The following RYR2 variants were observed in gnomAD, a reference collection of about 807,000 sequenced individuals.
RYR2 encodes the protein ryanodine receptor 2, also known as cardiac muscle ryanodine receptor-calcium release channel.
RYR2 carries 227 observed loss-of-function variants against 601.1 expected under a neutral mutation model. The observed-to-expected ratio is 0.38, with a 90% CI of 0.34 to 0.42. The LOEUF (loss-of-function observed/expected upper bound fraction) is 0.42, where lower values mean the gene tolerates loss of function less well. Among genes scored for constraint, RYR2 ranks in the 10% least tolerant of loss-of-function variants. The pLI is 1.00. For missense variants in RYR2, 4,646 were observed against 6,156.5 expected, an observed-to-expected ratio of 0.75 and a Z score of 8.21; for synonymous variants, 2,223 against 2,175.1, an observed-to-expected ratio of 1.02 and a Z score of -0.61.
At chr1:237,267,625 A>G (rs757004160) in intron 1 of RYR2, 4 of 325,392 alleles carry the variant, frequency 1.2e-5, no homozygotes, top group African/African-American at 6.7e-5. Context: ...TCATCTAACA[A>G]GCTCTCAAGT....
At chr1:237,697,049 T>C (rs926644054) in intron 63 of RYR2, among the ~76,000 whole-genome samples, 2 of 152,130 alleles carry the variant, frequency 1.3e-5, no homozygotes, top group African/African-American at 4.8e-5. Flanking sequence ...AACCAAGCTC[T>C]AGAACCTGAC....
chr1:237,599,804 A>C (rs1262724506), intron 34 of RYR2, among the ~76,000 whole-genome samples: 1 of 77,576 alleles, frequency 1.3e-5, no homozygotes, highest in East Asian at 5.7e-4. Flanking sequence ...GTGAGACTCC[A>C]TCTCAAAAAA....
At chr1:237,068,494 A>T (rs1191497243) in intron 1 of RYR2, among the ~76,000 whole-genome samples, 1 of 152,162 alleles carries the variant, frequency 6.6e-6, no homozygotes, top group Non-Finnish European at 1.5e-5. Context: ...CCATTTGTGT[A>T]AATACATTCT....
At chr1:237,221,082 T>TGAGACC (rs1202223963) in intron 1 of RYR2, among the ~76,000 whole-genome samples, 10 of 151,730 alleles carry the variant, frequency 6.6e-5, no homozygotes, top group Non-Finnish European at 1.2e-4. Flanking sequence ...GGTGACAGAG[T>TGAGACC]GAGATTCTGT....
chr1:237,722,854 A>G (rs956898119), intron 73 of RYR2, among the ~76,000 whole-genome samples: 1 of 151,844 alleles, frequency 6.6e-6, no homozygotes, highest in African/African-American at 2.4e-5. Context: ...CTCCTCGCAT[A>G]GTTACCTTTT....
At chr1:237,488,566 C>T (rs192639983) in intron 17 of RYR2, among the ~76,000 whole-genome samples, 7 of 152,216 alleles carry the variant, frequency 4.6e-5, no homozygotes, top group Admixed American at 2.6e-4. Flanking sequence ...GTGACCTGCA[C>T]GTGTACATCC....
Position 237,530,526 on chromosome 1 carries a change from A to G in RYR2, c.2906+16A>G. Reference sequence around the variant, plus strand: ...TACCCAAGAAGTAAGTTGAATGACTAAGCAATATTAAATAATCTGTGTAGA... The same window carrying G: ...TACCCAAGAAGTAAGTTGAATGACTGAGCAATATTAAATAATCTGTGTAGA... On this transcript the variant is annotated intron_variant, in intron 25 of 104. Coordinates refer to ENST00000366574, the MANE Select transcript of RYR2 (RefSeq NM_001035.3). The G allele has an allele frequency of 6.5e-7, 1 of 1,541,402 alleles. No homozygotes were observed. The highest frequency in any genetic ancestry group is 8.9e-7 in the Non-Finnish European group (1 of 1,125,596).
intron 31 of RYR2, among the ~76,000 whole-genome samples, chr1:237,591,358 C>T (rs1292261343): frequency 1.3e-5 from 2 of 152,078 alleles, no homozygotes; most frequent in African/African-American, 4.8e-5. Flanking sequence ...ACATTCTTGC[C>T]TGAAACTTGC....
intron 12 of RYR2, among the ~76,000 whole-genome samples, chr1:237,432,202 G>T (rs1706884654): frequency 1.6e-5 from 1 of 63,100 alleles, no homozygotes. Context: ...ATGACTTTAG[G>T]CTTTTTTTAA....
chr1:237,530,939 T>A (rs1005097319), intron 25 of RYR2, among the ~76,000 whole-genome samples: 1 of 151,998 alleles, frequency 6.6e-6, no homozygotes, highest in Non-Finnish European at 1.5e-5. Context: ...TTCAAAAATT[T>A]AAACTAACTG....
At chr1:237,089,920 C>T (rs761985105) in intron 1 of RYR2, among the ~76,000 whole-genome samples, 11 of 152,130 alleles carry the variant, frequency 7.2e-5, no homozygotes, top group Non-Finnish European at 1.6e-4. Context: ...TGAAGAAATA[C>T]CCGAGACTGA....
chr1:237,726,335 G>C, intron 75 of RYR2, 27 bp downstream of exon 75: 2 of 1,462,308 alleles, frequency 1.4e-6, no homozygotes, highest in Non-Finnish European at 1.9e-6. Context: ...ATGGCCTAGA[G>C]ATTACTAATT....
At chr1:237,280,652 T>C (rs988378813) in intron 2 of RYR2, among the ~76,000 whole-genome samples, 1 of 152,136 alleles carries the variant, frequency 6.6e-6, no homozygotes, top group African/African-American at 2.4e-5. Context: ...TTGAACAGAG[T>C]TCCGATAGAA....
chr1:237,155,700 C>T (rs568955841), intron 1 of RYR2, among the ~76,000 whole-genome samples: 2 of 152,054 alleles, frequency 1.3e-5, no homozygotes, highest in Non-Finnish European at 2.9e-5. Flanking sequence ...ATCCTTTGAT[C>T]ATTAAATATG....
chr1:237,269,217 AT>A (rs1298997326), intron 1 of RYR2, among the ~76,000 whole-genome samples: 1 of 151,174 alleles, frequency 6.6e-6, no homozygotes. Context: ...TAATTTTTGT[AT>A]TTTTGGTAGA....
chr1:237,283,262 A>G (rs1294610704), intron 2 of RYR2, among the ~76,000 whole-genome samples: 2 of 151,860 alleles, frequency 1.3e-5, no homozygotes, highest in Non-Finnish European at 2.9e-5. Context: ...TTGCCTGTCT[A>G]CCTGGTTGCT....
chr1:237,368,226 T>C (rs1029020336), intron 5 of RYR2, among the ~76,000 whole-genome samples: 2 of 152,240 alleles, frequency 1.3e-5, no homozygotes, highest in African/African-American at 4.8e-5. Flanking sequence ...CATTCCATTC[T>C]TATAAAAACT....
chr1:237,662,983 G>A (rs1364513293), intron 56 of RYR2, among the ~76,000 whole-genome samples: 1 of 152,112 alleles, frequency 6.6e-6, no homozygotes, highest in East Asian at 1.9e-4. Flanking sequence ...TTCTGTGGAG[G>A]GCATTTGTTG....
intron 42 of RYR2, among the ~76,000 whole-genome samples, chr1:237,631,855 C>T (rs1259976339): frequency 8.8e-6 from 1 of 113,866 alleles, no homozygotes; most frequent in Non-Finnish European, 1.8e-5. Context: ...GTCTCGATCT[C>T]CTGACCTCGT....
Sources: allele counts gnomAD v4.1 joint callset (sites outside exome capture counted in the v4.1 genomes callset), GRCh38; gene constraint gnomAD v4.1.1; transcripts MANE v1.5; gene names NCBI Gene and HGNC (gene_info 2026-07-23, HGNC 2026-07-21).